HDAC9: variants seen among roughly 807,000 people sequenced by gnomAD.
HDAC9 encodes the protein histone deacetylase 9, also known as MEF-2 interacting transcription repressor (MITR) protein.
A neutral mutation model predicts 139.4 loss-of-function variants in HDAC9; 41 were observed. That is an observed-to-expected ratio of 0.29 (90% CI 0.23 to 0.38). HDAC9 has a LOEUF of 0.38. Among genes scored for constraint, HDAC9 ranks in the 10% least tolerant of loss-of-function variants. The pLI is 1.00. For synonymous variants in HDAC9, 517 were observed against 476.2 expected, an observed-to-expected ratio of 1.09 and a Z score of -1.12; for missense variants, 1,147 against 1,297.0, an observed-to-expected ratio of 0.88 and a Z score of 1.78.
chr7:18,995,268 A>G (rs772720973), intron 25 of HDAC9, among the ~76,000 whole-genome samples: 1 of 152,232 alleles, frequency 6.6e-6, no homozygotes, highest in Non-Finnish European at 1.5e-5. Context: ...TAATCTTCCC[A>G]TGACAATCCA....
At chr7:18,107,506 GCTCT>G (rs149147226) in intron 1 of HDAC9, among the ~76,000 whole-genome samples, 6,819 of 147,974 alleles carry the variant, frequency 0.046, 184 homozygotes, top group Non-Finnish European at 0.063. Context: ...TCTCTTTCTT[GCTCT>G]CTCTCTCTCT....
intron 2 of HDAC9, among the ~76,000 whole-genome samples, chr7:18,509,633 G>T (rs1800856309): frequency 6.6e-6 from 1 of 152,048 alleles, no homozygotes; most frequent in Admixed American, 6.6e-5. Context: ...ATTCCAACTG[G>T]TCATCACTGG....
intron 22 of HDAC9, among the ~76,000 whole-genome samples, chr7:18,892,953 T>C (rs1286269111): frequency 6.7e-6 from 1 of 149,468 alleles, no homozygotes; most frequent in African/African-American, 2.5e-5. Context: ...CCCAGGTTGT[T>C]ACTTGTTGCT....
chr7:18,994,641 G>T (rs530575781), intron 25 of HDAC9, among the ~76,000 whole-genome samples: 1 of 152,160 alleles, frequency 6.6e-6, no homozygotes, highest in Non-Finnish European at 1.5e-5. Context: ...AAAAATTTTT[G>T]ATTACCCTCC....
intron 1 of HDAC9, among the ~76,000 whole-genome samples, chr7:18,120,330 T>G (rs943646454): frequency 6.6e-6 from 1 of 152,190 alleles, no homozygotes; most frequent in Admixed American, 6.5e-5. Context: ...TTACAGCTTG[T>G]TTAATAAATA....
intron 1 of HDAC9, among the ~76,000 whole-genome samples, chr7:18,468,279 T>C (rs1794458386): frequency 6.6e-6 from 1 of 152,252 alleles, no homozygotes; most frequent in African/African-American, 2.4e-5. Context: ...AGAATTCTTC[T>C]GTATGGGAGA....
intron 1 of HDAC9, among the ~76,000 whole-genome samples, chr7:18,480,109 A>G (rs1795437857): frequency 6.6e-6 from 1 of 151,254 alleles, no homozygotes; most frequent in African/African-American, 2.4e-5. Context: ...ATAAAAGTAA[A>G]TTTATTTTGA....
At position 18,243,339 on chromosome 7, in the gene HDAC9, C is replaced by T. The variant is rs113164036; in HGVS notation, c.25+80990C>T. On this transcript the variant is annotated intron_variant, in intron 2 of 12. Transcript: ENST00000417496. ...AAGCATAATCCCTACTTCTTTGGAGCTTTGGAGGGCTTGGATTGTGTCTTC... is the reference window on the plus strand; with the variant it reads ...AAGCATAATCCCTACTTCTTTGGAGTTTTGGAGGGCTTGGATTGTGTCTTC... 1.9e-3 allele frequency among the ~76,000 whole-genome samples: 293 copies of T among 152,312 alleles called. 1 individual carries two copies. Among genetic ancestry groups the T allele is most frequent in the African/African-American group, 6.5e-3 (271 of 41,560 alleles).
chr7:18,707,063 TA>T, intron 12 of HDAC9, among the ~76,000 whole-genome samples: 1 of 151,960 alleles, frequency 6.6e-6, no homozygotes, highest in South Asian at 2.1e-4. Context: ...AGCCAAGAGC[TA>T]GGGGTGGAGC....
intron 12 of HDAC9, among the ~76,000 whole-genome samples, chr7:18,672,657 G>A (rs955665762): frequency 5.3e-5 from 8 of 151,904 alleles, no homozygotes; most frequent in Non-Finnish European, 5.9e-5. Context: ...TTACACTTAC[G>A]TTGCCTTCTT....
chr7:18,389,541 A>T (rs754700584), intron 1 of HDAC9, among the ~76,000 whole-genome samples: 4 of 152,050 alleles, frequency 2.6e-5, no homozygotes, highest in Non-Finnish European at 5.9e-5. Context: ...TGTTACTTCT[A>T]CTCACATTCT....
At chr7:18,598,732 C>G (rs534855517) in intron 6 of HDAC9, among the ~76,000 whole-genome samples, 1 of 152,298 alleles carries the variant, frequency 6.6e-6, no homozygotes, top group African/African-American at 2.4e-5. Flanking sequence ...TAATGTCTTA[C>G]ATTCTTCTAC....
chr7:18,734,901 G>A (rs1253539647), intron 13 of HDAC9, among the ~76,000 whole-genome samples: 2 of 152,192 alleles, frequency 1.3e-5, no homozygotes, highest in Non-Finnish European at 2.9e-5. Flanking sequence ...AGCATCTGTT[G>A]TTTCCTGACT....
chr7:18,486,390 T>C (rs1213803999), intron 1 of HDAC9, among the ~76,000 whole-genome samples: 1 of 152,132 alleles, frequency 6.6e-6, no homozygotes, highest in Non-Finnish European at 1.5e-5. Flanking sequence ...ATAAGGCCCT[T>C]CCTTCAAAAG....
chr7:18,473,092 C>G (rs1242994524), intron 1 of HDAC9, among the ~76,000 whole-genome samples: 4 of 152,210 alleles, frequency 2.6e-5, no homozygotes, highest in African/African-American at 9.6e-5. Flanking sequence ...GCTGAGATCA[C>G]TGGCCTTGCT....
intron 1 of HDAC9, among the ~76,000 whole-genome samples, chr7:18,135,303 T>C (rs1785311697): frequency 6.6e-6 from 1 of 151,806 alleles, no homozygotes; most frequent in Admixed American, 6.6e-5. Context: ...TTCTTTTTTT[T>C]TTCTTTTTTT....
chr7:18,868,510 T>G (rs952941307), intron 21 of HDAC9, among the ~76,000 whole-genome samples: 3 of 152,194 alleles, frequency 2.0e-5, no homozygotes, highest in Non-Finnish European at 1.5e-5. Context: ...TTTAATTTCT[T>G]GTTTTAAGTC....
rs139781044 is a variant in HDAC9 at position 18,736,446 on chromosome 7, G to A, written c.1909+8689G>A. Among the ~76,000 whole-genome samples the A allele has an allele frequency of 2.0e-5, 3 of 152,234 alleles. No individual in the cohort carries two copies. The East Asian group carries it at 5.8e-4, about 29-fold the overall frequency. ...TTTATTGAGAGTTTTTAGCATGAAG[G>A]GCTGTTGAATTTTGTCTAAGGCCTT... On this transcript the variant is annotated intron_variant, in intron 13 of 25. Transcript: ENST00000686413.
chr7:18,855,201 G>C (rs1004658435), intron 21 of HDAC9, among the ~76,000 whole-genome samples: 2 of 152,064 alleles, frequency 1.3e-5, no homozygotes, highest in African/African-American at 4.8e-5. Context: ...AAGACTTCCA[G>C]CTCAGGACTT....
Sources: gnomAD v4.1 joint callset for allele counts (sites outside exome capture counted in the v4.1 genomes callset) on GRCh38, gnomAD v4.1.1 for gene constraint, MANE v1.5 for transcripts, NCBI Gene and HGNC (gene_info 2026-07-23, HGNC 2026-07-21) for gene names.